Variants in MRTFA observed in about 807,000 individuals in gnomAD.
The protein encoded by MRTFA is myocardin related transcription factor A.
In MRTFA, 20 loss-of-function variants were observed where a neutral mutation model predicts 83.5. The ratio of observed to expected loss-of-function variants is 0.24; its 90% CI spans 0.17 to 0.35. The LOEUF is 0.35. Among genes scored for constraint, MRTFA ranks in the 10% least tolerant of loss-of-function variants. MRTFA has a pLI of 1.00. For missense variants in MRTFA, 1,200 were observed against 1,224.7 expected (o/e 0.98, Z 0.30); for synonymous variants, 659 against 541.2 (o/e 1.22, Z -3.02).
intron 11 of MRTFA, among the ~76,000 whole-genome samples, 152 bp downstream of exon 11, chr22:40,420,249 CCTGT>C (rs1161194672): frequency 6.6e-6 from 1 of 152,220 alleles, no homozygotes; most frequent in Non-Finnish European, 1.5e-5. Context: ...TCCAAGGTGC[CCTGT>C]CTGATGGGGA....
In MRTFA at chr22:40,423,981, G is replaced by A. The variant is rs564872897; in HGVS notation, c.777+225C>T. On this transcript the variant is annotated intron_variant, in intron 8 of 14. Transcript: ENST00000355630. ...TGCAATCCCACTGCAAGGCAGCCAT[G>A]GCCAGCGTCGTCCTCCACCTGACCT... Among the ~76,000 whole-genome samples, 9 of 152,334 alleles carry A rather than the reference G, an allele frequency of 5.9e-5. No individual in the cohort carries two copies. In the South Asian group the frequency reaches 1.9e-3, roughly 32 times the overall value.
At chr22:40,614,027 C>G (rs932479720) in intron 1 of MRTFA, among the ~76,000 whole-genome samples, 2 of 151,140 alleles carry the variant, frequency 1.3e-5, no homozygotes, top group African/African-American at 4.9e-5. Context: ...TGGAGAAACC[C>G]TGTCTCTACT....
At chr22:40,475,756 T>C (rs1602304804) in intron 3 of MRTFA, among the ~76,000 whole-genome samples, 3 of 152,310 alleles carry the variant, frequency 2.0e-5, no homozygotes, top group African/African-American at 7.2e-5. Flanking sequence ...TTTTCAGTTA[T>C]CATAAGAGCA....
At chr22:40,508,537 AAAAG>A in intron 3 of MRTFA, among the ~76,000 whole-genome samples, 1 of 151,090 alleles carries the variant, frequency 6.6e-6, no homozygotes, top group South Asian at 2.1e-4. Flanking sequence ...AAAAAAAAAA[AAAAG>A]GATTCATTTA....
chr22:40,618,701 C>T (rs548204643), intron 1 of MRTFA, among the ~76,000 whole-genome samples: 9 of 152,282 alleles, frequency 5.9e-5, no homozygotes, highest in East Asian at 3.9e-4. Flanking sequence ...TGGTGGCTCA[C>T]GCCTTTAATT....
chr22:40,512,017 C>T (rs1262137298), intron 3 of MRTFA, among the ~76,000 whole-genome samples: 2 of 152,114 alleles, frequency 1.3e-5, no homozygotes, highest in African/African-American at 4.8e-5. Flanking sequence ...GAGGAGGGAA[C>T]ATAGAACAGG....
chr22:40,524,019 A>G (rs2054917084), intron 3 of MRTFA, among the ~76,000 whole-genome samples: 1 of 152,246 alleles, frequency 6.6e-6, no homozygotes. Flanking sequence ...CAGCATCATG[A>G]ATTGTTAAGG....
intron 6 of MRTFA, 52 bp downstream of exon 6, chr22:40,431,353 T>C: frequency 6.5e-7 from 1 of 1,529,274 alleles, no homozygotes; most frequent in Non-Finnish European, 9.1e-7. Context: ...CAGTAGTGAG[T>C]ACACACAGTG....
intron 5 of MRTFA, 52 bp from the exon 6 acceptor site, chr22:40,431,532 G>T (rs1569261165): frequency 6.5e-7 from 1 of 1,537,524 alleles, no homozygotes; most frequent in Non-Finnish European, 9.0e-7. Context: ...CAGGCTTATG[G>T]CATGGACAGG....
chr22:40,438,474 C>G (rs1450076367), intron 4 of MRTFA, among the ~76,000 whole-genome samples: 2 of 152,196 alleles, frequency 1.3e-5, no homozygotes, highest in Non-Finnish European at 2.9e-5. Flanking sequence ...AACCCAACTT[C>G]TAGAAGAACA....
intron 4 of MRTFA, among the ~76,000 whole-genome samples, chr22:40,455,778 C>T (rs1459383824): frequency 1.3e-5 from 2 of 149,052 alleles, no homozygotes; most frequent in African/African-American, 4.9e-5. Flanking sequence ...ACAACAACAA[C>T]AACAAAAAGA....
rs2056044139 is a variant in MRTFA, at chr22:40,587,187, G to C, written c.-22+7487C>G. ...TCATCTTGTGCATGCAAAGATTGCA[G>C]TTACTCTTGAGGAAACAGCTTTACA... On this transcript the variant is annotated intron_variant, in intron 2 of 14. Transcript: ENST00000355630. 3 of 459,010 alleles carry C rather than the reference G, an allele frequency of 6.5e-6. No individual in the cohort carries two copies. In the Admixed American group the frequency reaches 7.3e-5, roughly 11 times the overall value. 28.4% of individuals were successfully genotyped at this position (459,010 alleles called of 1,614,324 possible).
chr22:40,618,082 T>G (rs1206710083), intron 1 of MRTFA, among the ~76,000 whole-genome samples: 4 of 149,440 alleles, frequency 2.7e-5, no homozygotes, highest in Non-Finnish European at 6.0e-5. Context: ...TGTTTTTTGT[T>G]TTTTTTTTTT....
chr22:40,541,498 T>A (rs960367980), intron 3 of MRTFA, among the ~76,000 whole-genome samples: 1 of 152,156 alleles, frequency 6.6e-6, no homozygotes, highest in African/African-American at 2.4e-5. Flanking sequence ...TAACCCAGCA[T>A]GCAGGCAAGT....
chr22:40,424,175 G>A lies in MRTFA; in HGVS notation c.777+31C>T, dbSNP rs371847383. On this transcript the variant is annotated intron_variant, in intron 8 of 14. Transcript: ENST00000355630. ...CTCTGCGCAGCCCTAGCACCTTGGA[G>A]CTGGGGAAGCATCTGGAAGCACACA... is the stretch of plus-strand genomic sequence containing the variant. The A allele has an allele frequency of 1.3e-5, 20 of 1,568,610 alleles. No homozygotes were observed. The Admixed American group carries it at 1.6e-4, about 13-fold the overall frequency.
In MRTFA at chr22:40,429,713, C is replaced by T. The variant is rs781412733; in HGVS notation, c.494G>A (p.Arg165Lys). Residue 165 changes from arginine to lysine, a missense_variant, in exon 7 of 15, where the codon AGA becomes AAA. Arg to Lys is a conservative substitution (Grantham distance 26). Transcript: ENST00000355630. ...CTTCTCATTGAGGTCATCGGCTAGT[C>T]TGGCTCTCTTCAGCTTCAGCTGCTT... is the stretch of plus-strand genomic sequence containing the variant. 4 of 1,613,886 alleles carry T rather than the reference C, an allele frequency of 2.5e-6. No individual in the cohort carries two copies. The African/African-American group carries it at 5.3e-5, about 22-fold the overall frequency.
intron 4 of MRTFA, among the ~76,000 whole-genome samples, chr22:40,445,785 T>A (rs1211174756): frequency 6.6e-6 from 1 of 152,212 alleles, no homozygotes; most frequent in Non-Finnish European, 1.5e-5. Flanking sequence ...CCTCACCTCG[T>A]GATCCACCTG....
chr22:40,480,743 CTTTTTTT>C (rs758150714), intron 3 of MRTFA, among the ~76,000 whole-genome samples: 1 of 93,542 alleles, frequency 1.1e-5, no homozygotes, highest in African/African-American at 4.8e-5. Flanking sequence ...GAGTTCAAGA[CTTTTTTT>C]TTTTTTTTTT....
chr22:40,479,516 AT>A (rs1160961138), intron 3 of MRTFA, among the ~76,000 whole-genome samples: 3 of 151,692 alleles, frequency 2.0e-5, no homozygotes, highest in African/African-American at 7.3e-5. Context: ...TCCTAAAAAA[AT>A]AAAATAAAAT....
Sources: gnomAD v4.1 joint callset for allele counts (sites outside exome capture counted in the v4.1 genomes callset) on GRCh38, gnomAD v4.1.1 for gene constraint, MANE v1.5 for transcripts, NCBI Gene and HGNC (gene_info 2026-07-23, HGNC 2026-07-21) for gene names.